Variants in TRAM2 observed in about 807,000 individuals in gnomAD.
TRAM2 encodes translocation associated membrane protein 2, also known as translocating chain-associated membrane protein 2.
A neutral mutation model predicts 51.0 loss-of-function variants in TRAM2; 12 were observed. The observed-to-expected ratio is 0.24, with a 90% CI of 0.15 to 0.38. The LOEUF is 0.38. TRAM2 is among the 10% of genes least tolerant of loss of function. TRAM2 has a pLI of 1.00. For synonymous variants in TRAM2, 175 were observed against 179.4 expected (o/e 0.98, Z 0.20); for missense variants, 361 against 462.0 (o/e 0.78, Z 2.00).
intron 1 of TRAM2, among the ~76,000 whole-genome samples, chr6:52,566,125 G>T (rs9474247): frequency 0.062 from 9,469 of 152,172 alleles, 775 homozygotes; most frequent in African/African-American, 0.19. Flanking sequence ...AAAGCCATAC[G>T]AAGGCAATGC....
chr6:52,528,012 C>A (rs1289062584), intron 2 of TRAM2, among the ~76,000 whole-genome samples: 2 of 152,194 alleles, frequency 1.3e-5, no homozygotes, highest in Non-Finnish European at 2.9e-5. Context: ...ACAAACAGAA[C>A]CTCAGGGCCA....
At chr6:52,553,491 G>T (rs1428698836) in intron 1 of TRAM2, among the ~76,000 whole-genome samples, 3 of 152,174 alleles carry the variant, frequency 2.0e-5, no homozygotes, top group African/African-American at 4.8e-5. Context: ...CCAGCCATCT[G>T]CTCTGCCTTC....
At chr6:52,545,420 C>T (rs1767181668) in intron 1 of TRAM2, among the ~76,000 whole-genome samples, 1 of 152,194 alleles carries the variant, frequency 6.6e-6, no homozygotes, top group South Asian at 2.1e-4. Flanking sequence ...TGACCTTAAG[C>T]TTTTGCCAAG....
At chr6:52,563,238 T>A (rs79405496) in intron 1 of TRAM2, among the ~76,000 whole-genome samples, 12,922 of 152,194 alleles carry the variant, frequency 0.085, 761 homozygotes, top group Non-Finnish European at 0.12. Context: ...TGTACTGACA[T>A]GGAAAGATCC....
chr6:52,506,076 G>C lies in TRAM2; in HGVS notation c.687C>G (p.His229Gln). 6.2e-7 allele frequency: 1 copy of C among 1,614,224 alleles called. No individual in the cohort carries two copies. Among genetic ancestry groups the C allele is most frequent in the Non-Finnish European group, 8.5e-7 (1 of 1,180,048 alleles). Residue 229 changes from histidine (H) to glutamine (Q), a missense_variant, in exon 8 of 11, where the codon CAC becomes CAG. Transcript: ENST00000182527. ...LLQYSTEFLF[H>Q]TARLFYFADE... ...CTGCAAAGTAGAAGAGTCTAGCCGT[G>C]TGGAAGAGGAACTCAGTTGAGTACT...
intron 4 of TRAM2, among the ~76,000 whole-genome samples, chr6:52,514,651 T>G (rs553365457): frequency 6.6e-6 from 1 of 152,344 alleles, no homozygotes; most frequent in East Asian, 1.9e-4. Context: ...GGTCGCCACG[T>G]GTCACAGCTG....
Position 52,576,844 on chromosome 6 carries a change from G to T in TRAM2, c.72C>A (p.Asp24Glu). 6.2e-7 allele frequency: 1 copy of T among 1,613,950 alleles called. No individual in the cohort carries two copies. Among genetic ancestry groups the T allele is most frequent in the Non-Finnish European group, 8.5e-7 (1 of 1,179,880 alleles). ...SQEFVIHNHA[D>E]IGFCLVLCVL... is the part of the protein sequence containing the mutation. ...CGCAGAGCACCAGGCAGAAGCCGATGTCCGCATGGTTGTGGATGACGAACT... is the reference window on the plus strand; with the variant it reads ...CGCAGAGCACCAGGCAGAAGCCGATTTCCGCATGGTTGTGGATGACGAACT... The change falls in exon 1 of 11, where the codon GAC becomes GAA. Residue 24 changes from aspartate (D) to glutamate (E), a missense_variant. Transcript: ENST00000182527.
intron 1 of TRAM2, among the ~76,000 whole-genome samples, chr6:52,555,988 T>G (rs1422163462): frequency 1.3e-5 from 2 of 152,252 alleles, no homozygotes; most frequent in East Asian, 1.9e-4. Flanking sequence ...AAACATGTTA[T>G]GATGGTTAGG....
chr6:52,571,282 T>G (rs1767676316), intron 1 of TRAM2, among the ~76,000 whole-genome samples: 1 of 152,164 alleles, frequency 6.6e-6, no homozygotes, highest in African/African-American at 2.4e-5. Flanking sequence ...GAATGAGAGG[T>G]ACATCAGCTA....
intron 4 of TRAM2, among the ~76,000 whole-genome samples, chr6:52,514,455 G>A (rs1345292356): frequency 5.3e-5 from 8 of 152,112 alleles, no homozygotes; most frequent in Non-Finnish European, 8.8e-5. Context: ...AATATGTTGA[G>A]TGGGGAACTG....
At chr6:52,521,630 A>C (rs7751949) in intron 2 of TRAM2, among the ~76,000 whole-genome samples, 1 of 151,834 alleles carries the variant, frequency 6.6e-6, no homozygotes, top group Non-Finnish European at 1.5e-5. Context: ...CCGGGAGGGG[A>C]AGCTTGCAGT....
chr6:52,543,523 C>T (rs1767142265), intron 1 of TRAM2, among the ~76,000 whole-genome samples: 1 of 152,108 alleles, frequency 6.6e-6, no homozygotes, highest in Admixed American at 6.5e-5. Flanking sequence ...ATCATTGATA[C>T]ATTAAAAATA....
At chr6:52,514,106 A>G (rs1766498980) in intron 4 of TRAM2, among the ~76,000 whole-genome samples, 1 of 152,074 alleles carries the variant, frequency 6.6e-6, no homozygotes, top group Admixed American at 6.6e-5. Context: ...GTCAAAGGTC[A>G]CTAGACTAGG....
At chr6:52,566,480 A>T (rs1767592486) in intron 1 of TRAM2, among the ~76,000 whole-genome samples, 1 of 152,010 alleles carries the variant, frequency 6.6e-6, no homozygotes, top group South Asian at 2.1e-4. Context: ...CCTGTCTCTA[A>T]TCTCTCATCT....
intron 1 of TRAM2, among the ~76,000 whole-genome samples, chr6:52,566,875 C>T (rs1581703432): frequency 6.6e-6 from 1 of 152,232 alleles, no homozygotes; most frequent in Non-Finnish European, 1.5e-5. Context: ...TGAGTGAGCA[C>T]CACTGTGTGT....
At position 52,560,215 on chromosome 6, in the gene TRAM2, C is replaced by G. The variant is rs373358520; in HGVS notation, c.120+16581G>C. Among the ~76,000 whole-genome samples, 43 of 151,706 alleles carry G rather than the reference C, an allele frequency of 2.8e-4. No homozygotes were observed. In the South Asian group the frequency reaches 8.5e-3, roughly 30 times the overall value. On this transcript the variant is annotated intron_variant, in intron 1 of 10. Transcript: ENST00000182527. ...TGAGCCGAGATCATGCCATTGCACT[C>G]CAGCCTGAGTGACAAGAGCGAAACT...
rs1212452668 is a variant in TRAM2 at position 52,555,444 on chromosome 6, A to G, written c.121-19598T>C. Among the ~76,000 whole-genome samples the G allele has an allele frequency of 2.0e-5, 3 of 152,362 alleles. No homozygotes were observed. The East Asian group carries it at 5.8e-4, about 29-fold the overall frequency. On this transcript the variant is annotated intron_variant, in intron 1 of 10. Coordinates refer to ENST00000182527, the MANE Select transcript of TRAM2 (RefSeq NM_012288.4). ...ATATATATATGAATAGACAGATATAAGCGTGGAGAAAAAAAGTAAAATTAC... is the reference window on the plus strand; with the variant it reads ...ATATATATATGAATAGACAGATATAGGCGTGGAGAAAAAAAGTAAAATTAC...
At chr6:52,568,074 G>A (rs1461319517) in intron 1 of TRAM2, among the ~76,000 whole-genome samples, 2 of 152,214 alleles carry the variant, frequency 1.3e-5, no homozygotes, top group Non-Finnish European at 1.5e-5. Context: ...CATGAAGCAG[G>A]TGAGCCCCAG....
chr6:52,574,541 T>A (rs761622761), intron 1 of TRAM2, among the ~76,000 whole-genome samples: 16 of 152,298 alleles, frequency 1.1e-4, no homozygotes, highest in Non-Finnish European at 1.9e-4. Context: ...ACACCTGCCC[T>A]GTAGGTCCTG....
Sources: allele counts gnomAD v4.1 joint callset (sites outside exome capture counted in the v4.1 genomes callset), GRCh38; gene constraint gnomAD v4.1.1; transcripts MANE v1.5; gene names NCBI Gene and HGNC (gene_info 2026-07-23, HGNC 2026-07-21).